The following CACNG4 variants were observed in gnomAD, a reference collection of about 807,000 sequenced individuals.
CACNG4 encodes voltage-dependent calcium channel gamma-4 subunit.
In CACNG4, 8 loss-of-function variants were observed where a neutral mutation model predicts 22.9. That is an observed-to-expected ratio of 0.35 (90% confidence interval 0.21 to 0.63). The LOEUF (loss-of-function observed/expected upper bound fraction) is 0.63, where lower values mean the gene tolerates loss of function less well. Ranked by LOEUF, CACNG4 falls within the 30% of genes least tolerant of loss-of-function variation. The pLI is 0.72. For missense variants in CACNG4, 357 were observed against 455.4 expected, an observed-to-expected ratio of 0.78 and a Z score of 1.97; for synonymous variants, 188 against 191.9, an observed-to-expected ratio of 0.98 and a Z score of 0.17.
At chr17:66,977,394 G>C (rs568965512) in intron 1 of CACNG4, among the ~76,000 whole-genome samples, 2 of 152,282 alleles carry the variant, frequency 1.3e-5, no homozygotes, top group South Asian at 4.2e-4. Context: ...GATGACATCT[G>C]AACTAAGTCT....
intron 1 of CACNG4, among the ~76,000 whole-genome samples, chr17:66,972,181 G>A (rs2035208711): frequency 6.6e-6 from 1 of 152,162 alleles, no homozygotes; most frequent in Non-Finnish European, 1.5e-5. Context: ...GAAAGCTAAA[G>A]GTATGCCCAT....
intron 1 of CACNG4, among the ~76,000 whole-genome samples, chr17:66,996,583 G>A (rs956017351): frequency 6.6e-6 from 1 of 151,998 alleles, no homozygotes; most frequent in African/African-American, 2.4e-5. Flanking sequence ...GTTTCACCAT[G>A]TTGGCCAGGC....
intron 1 of CACNG4, among the ~76,000 whole-genome samples, chr17:66,989,694 G>A (rs540500473): frequency 6.6e-6 from 1 of 151,444 alleles, no homozygotes; most frequent in Non-Finnish European, 1.5e-5. Flanking sequence ...TCTCCAAGAG[G>A]GGGTAGCCTC....
At chr17:67,003,992 C>A (rs1236350638) in intron 1 of CACNG4, among the ~76,000 whole-genome samples, 1 of 152,170 alleles carries the variant, frequency 6.6e-6, no homozygotes, top group East Asian at 1.9e-4. Context: ...TTGCCCAGCC[C>A]CTTCAATTAA....
At chr17:67,018,339 G>C (rs1261746130) in intron 2 of CACNG4, 67 bp downstream of exon 2, 4 of 1,183,568 alleles carry the variant, frequency 3.4e-6, no homozygotes, top group Non-Finnish European at 3.8e-6. Flanking sequence ...GGCGGCCGGA[G>C]GAAAGAGAGA....
At chr17:66,981,849 A>C (rs960675104) in intron 1 of CACNG4, among the ~76,000 whole-genome samples, 2 of 152,190 alleles carry the variant, frequency 1.3e-5, no homozygotes. Context: ...TATCTTTGTA[A>C]CAGCTATAAT....
At chr17:67,028,268 A>C (rs908223971) in intron 3 of CACNG4, among the ~76,000 whole-genome samples, 1 of 152,044 alleles carries the variant, frequency 6.6e-6, no homozygotes, top group East Asian at 1.9e-4. Context: ...GATAAAACGC[A>C]ATGGGCCGGG....
At chr17:67,001,460 G>A (rs575580567) in intron 1 of CACNG4, among the ~76,000 whole-genome samples, 50 of 152,078 alleles carry the variant, frequency 3.3e-4, no homozygotes, top group African/African-American at 8.4e-4. Context: ...TCTGTCTGCC[G>A]TAGCCGCTGC....
At chr17:67,001,410 T>C (rs895048479) in intron 1 of CACNG4, among the ~76,000 whole-genome samples, 1 of 151,366 alleles carries the variant, frequency 6.6e-6, no homozygotes, top group Non-Finnish European at 1.5e-5. Context: ...CCCACCAGCC[T>C]CCTTTTGCCG....
chr17:66,987,220 G>C (rs1326910834), intron 1 of CACNG4, among the ~76,000 whole-genome samples: 1 of 152,158 alleles, frequency 6.6e-6, no homozygotes, highest in Non-Finnish European at 1.5e-5. Context: ...GTTAAGATGG[G>C]ATTTGTTCCA....
In CACNG4 at chr17:67,031,221, C is replaced by T. The variant is rs2035603932; in HGVS notation, c.*217C>T. On this transcript the variant is annotated 3_prime_UTR_variant, in exon 4 of 4. Transcript: ENST00000262138. This position sits in a 1 kb window ranked among gnomAD's most constrained non-coding sequence, Gnocchi z 4.0. ...AAGCTGAAGGCTGACTTTGTCCCCT[C>T]CCCGAAAAAGGGTGTTTTGATGCCT... 3.1e-6 allele frequency: 2 copies of T among 648,174 alleles called. No homozygotes were observed. The highest frequency in any genetic ancestry group is 5.5e-6 in the Non-Finnish European group (2 of 363,258). 40.2% of individuals were successfully genotyped at this position (648,174 alleles called of 1,614,324 possible). A position where few individuals can be genotyped will look rare whatever the true frequency, so the allele number is the denominator to read the frequency against.
chr17:66,978,964 G>A (rs773988671), intron 1 of CACNG4, among the ~76,000 whole-genome samples: 6 of 152,318 alleles, frequency 3.9e-5, no homozygotes, highest in African/African-American at 1.4e-4. Context: ...CTGCGGCCTT[G>A]AGGTTCAGTC....
intron 1 of CACNG4, among the ~76,000 whole-genome samples, chr17:66,974,256 G>A (rs938321508): frequency 2.0e-5 from 3 of 152,212 alleles, no homozygotes; most frequent in African/African-American, 7.2e-5. Context: ...AAAGAAAGGA[G>A]TGTGGCCAGA....
Position 67,033,140 on chromosome 17 carries a change from T to A in CACNG4, c.*2136T>A, listed in dbSNP as rs895928618. ...TCAGACACCCGGGCCTTCTCAGCCT[T>A]CTCCCCGCGGCCAGCTGGGTCTCCG... On this transcript the variant is annotated 3_prime_UTR_variant, in exon 4 of 4. Coordinates refer to ENST00000262138, the MANE Select transcript of CACNG4 (RefSeq NM_014405.4). 1 of 152,588 alleles carries A rather than the reference T, an allele frequency of 6.6e-6. No individual in the cohort carries two copies. The highest frequency in any genetic ancestry group is 1.5e-5 in the Non-Finnish European group (1 of 68,144). The allele number at this position is 152,588 out of a possible 1,614,324, so 9.5% of individuals were successfully genotyped here.
chr17:67,004,578 G>A (rs2035426715), intron 1 of CACNG4, among the ~76,000 whole-genome samples: 1 of 152,122 alleles, frequency 6.6e-6, no homozygotes, highest in Non-Finnish European at 1.5e-5. Context: ...GCAGACCTGC[G>A]CTGAGACATG....
chr17:67,016,571 G>A (rs555770124), intron 1 of CACNG4, among the ~76,000 whole-genome samples: 5 of 152,190 alleles, frequency 3.3e-5, no homozygotes, highest in East Asian at 1.9e-4. Flanking sequence ...GGACCCTGCC[G>A]CCAGGACTGT....
Position 67,024,884 on chromosome 17 carries a change from T to C in CACNG4, c.329T>C (p.Phe110Ser). Residue 110 changes from phenylalanine (F) to serine (S), a missense_variant, in exon 3 of 4, where the codon TTC becomes TCC. Phe to Ser is a radical substitution (Grantham distance 155). Coordinates refer to ENST00000262138, the MANE Select transcript of CACNG4 (RefSeq NM_014405.4). The stretch of plus-strand genomic sequence containing the variant: ...GGCATCGTGCGAGCCTCCAGCGTCT[T>C]CCCCATCCTCAGCACCATCCTGCTC... ...LLRIVRASSVFPILSTILLLL... is the reference protein window; with the variant it reads ...LLRIVRASSVSPILSTILLLL... 6.3e-7 allele frequency: 1 copy of C among 1,586,868 alleles called. No homozygotes were observed. The highest frequency in any genetic ancestry group is 2.3e-5 in the East Asian group (1 of 42,720).
intron 3 of CACNG4, among the ~76,000 whole-genome samples, chr17:67,028,155 C>A (rs1019655116): frequency 2.6e-5 from 4 of 152,150 alleles, no homozygotes; most frequent in Non-Finnish European, 5.9e-5. Flanking sequence ...ACTGCTGGAC[C>A]CCTTAGCAGA....
intron 1 of CACNG4, among the ~76,000 whole-genome samples, chr17:66,991,125 C>T (rs2035337805): frequency 6.6e-6 from 1 of 152,084 alleles, no homozygotes. Flanking sequence ...AAGCAAATCT[C>T]CAGCACAGAG....
Sources: allele counts gnomAD v4.1 joint callset (sites outside exome capture counted in the v4.1 genomes callset), GRCh38; gene constraint gnomAD v4.1.1; non-coding constraint Gnocchi (gnomAD v3.1); transcripts MANE v1.5; gene names NCBI Gene and HGNC (gene_info 2026-07-23, HGNC 2026-07-21).